Variants in ASB5 observed in about 807,000 individuals in gnomAD.
ASB5 encodes the protein ankyrin repeat and SOCS box containing 5.
In ASB5, 45 loss-of-function variants were observed where a neutral mutation model predicts 42.1. The observed-to-expected ratio is 1.07, with a 90% CI of 0.84 to 1.37. The LOEUF (loss-of-function observed/expected upper bound fraction) is 1.37. Ranked by LOEUF, ASB5 falls within the 40% of genes most tolerant of loss-of-function variation. The pLI is 0.00. For missense variants in ASB5, 402 were observed against 399.8 expected (o/e 1.01, Z -0.05); for synonymous variants, 147 against 150.6 (o/e 0.98, Z 0.18).
At chr4:176,271,848 A>G (rs1186213693), upstream of ASB5, among the ~76,000 whole-genome samples, 1 of 152,166 alleles carries the variant, frequency 6.6e-6, no homozygotes, top group Non-Finnish European at 1.5e-5. Context: ...TCTAACTAAA[A>G]TACATGCTCA....
chr4:176,260,018 G>A lies in ASB5; in HGVS notation c.196+8895C>T, dbSNP rs547736735. Among the ~76,000 whole-genome samples, 107 of 152,222 alleles carry A rather than the reference G, an allele frequency of 7.0e-4. 1 individual carries two copies. Among genetic ancestry groups the A allele is most frequent in the African/African-American group, 2.6e-3 (106 of 41,538 alleles). The stretch of plus-strand genomic sequence containing the variant: ...TAATCCCTAGGAAAGAATTTCGAAA[G>A]GATATTCAGCTATGACTCATATTAT... On this transcript the variant is annotated intron_variant, in intron 1 of 6. Coordinates refer to ENST00000296525, the MANE Select transcript of ASB5 (RefSeq NM_080874.4).
chr4:176,269,697 CTT>C (rs1157850300), upstream of ASB5, among the ~76,000 whole-genome samples: 1 of 152,164 alleles, frequency 6.6e-6, no homozygotes, highest in East Asian at 1.9e-4. Flanking sequence ...AGATTAATAA[CTT>C]AACACGGTTC....
At chr4:176,223,511 G>T (rs1753282563) in intron 2 of ASB5, among the ~76,000 whole-genome samples, 1 of 151,952 alleles carries the variant, frequency 6.6e-6, no homozygotes, top group South Asian at 2.1e-4. Flanking sequence ...TGATATCTTT[G>T]GTATTTCATT....
intron 2 of ASB5, among the ~76,000 whole-genome samples, chr4:176,223,794 C>CGTG (rs1753292019): frequency 1.3e-5 from 2 of 152,192 alleles, no homozygotes; most frequent in Non-Finnish European, 2.9e-5. Flanking sequence ...GCTCTGGGGA[C>CGTG]AGCCTCTCAT....
chr4:176,217,717 A>T (rs1753012090), intron 5 of ASB5, among the ~76,000 whole-genome samples: 1 of 152,144 alleles, frequency 6.6e-6, no homozygotes. Flanking sequence ...AGCCTGGCAC[A>T]TGCTGGTCAT....
intron 5 of ASB5, among the ~76,000 whole-genome samples, chr4:176,219,602 A>T (rs1753139689): frequency 8.4e-6 from 1 of 118,374 alleles, no homozygotes; most frequent in Non-Finnish European, 1.7e-5. Flanking sequence ...ATATATATAT[A>T]TATATATATA....
chr4:176,231,677 A>C (rs1176701592), intron 1 of ASB5, among the ~76,000 whole-genome samples: 1 of 110,006 alleles, frequency 9.1e-6, no homozygotes, highest in Non-Finnish European at 1.8e-5. Flanking sequence ...AAAAAAAAAA[A>C]ATGTAAATTA....
At chr4:176,233,212 G>A (rs1753595591) in intron 1 of ASB5, among the ~76,000 whole-genome samples, 2 of 152,128 alleles carry the variant, frequency 1.3e-5, no homozygotes, top group South Asian at 4.1e-4. Flanking sequence ...TAAACAGAAG[G>A]AAGGATAACT....
At chr4:176,253,754 G>A (rs1295316725) in intron 1 of ASB5, among the ~76,000 whole-genome samples, 1 of 152,170 alleles carries the variant, frequency 6.6e-6, no homozygotes, top group African/African-American at 2.4e-5. Context: ...CACTGAAGCT[G>A]AGAGCCCAAT....
At chr4:176,247,349 T>C (rs969531595) in intron 1 of ASB5, among the ~76,000 whole-genome samples, 2 of 152,152 alleles carry the variant, frequency 1.3e-5, no homozygotes, top group African/African-American at 4.8e-5. Context: ...ACTTCTAAAA[T>C]TGATACATAG....
At chr4:176,232,251 T>C (rs550410129) in intron 1 of ASB5, among the ~76,000 whole-genome samples, 14 of 151,900 alleles carry the variant, frequency 9.2e-5, no homozygotes, top group African/African-American at 3.4e-4. Context: ...GCCACCCAAG[T>C]AGCTAGGATT....
chr4:176,220,129 G>T (rs1753161796), intron 5 of ASB5, among the ~76,000 whole-genome samples: 1 of 152,194 alleles, frequency 6.6e-6, no homozygotes. Context: ...GGGCCCACAG[G>T]CCGCAGGTTG....
intron 5 of ASB5, among the ~76,000 whole-genome samples, chr4:176,217,867 C>G (rs371227408): frequency 1.3e-5 from 2 of 151,924 alleles, no homozygotes; most frequent in African/African-American, 4.8e-5. Context: ...TTTTCCGATA[C>G]TATCTTTAAA....
In ASB5 at chr4:176,238,999, A is replaced by G. The variant is rs181679228; in HGVS notation, c.197-13658T>C. Among the ~76,000 whole-genome samples, 4 of 152,332 alleles carry G rather than the reference A, an allele frequency of 2.6e-5. No individual in the cohort carries two copies. The East Asian group carries it at 5.8e-4, about 22-fold the overall frequency. The stretch of plus-strand genomic sequence containing the variant: ...GATAAGACCAGATTCTATGACTAAC[A>G]CACAAAAGGTAAGAGAGTGCGTGAG... On this transcript the variant is annotated intron_variant, in intron 1 of 6. Transcript: ENST00000296525.
chr4:176,259,936 T>C (rs1754226015), intron 1 of ASB5, among the ~76,000 whole-genome samples: 1 of 152,200 alleles, frequency 6.6e-6, no homozygotes, highest in African/African-American at 2.4e-5. Context: ...GATGCCTTCC[T>C]GACATTTCAC....
chr4:176,240,037 G>C (rs1331849895), intron 1 of ASB5, among the ~76,000 whole-genome samples: 1 of 152,144 alleles, frequency 6.6e-6, no homozygotes, highest in African/African-American at 2.4e-5. Context: ...CACAGTGAGT[G>C]AACGCGTTAG....
chr4:176,269,772 G>T (rs1334571757), upstream of ASB5, among the ~76,000 whole-genome samples: 1 of 152,174 alleles, frequency 6.6e-6, no homozygotes, highest in Non-Finnish European at 1.5e-5. Flanking sequence ...AGATTTTGAA[G>T]TGACAAAGAC....
At chr4:176,241,811 T>C (rs6553939) in intron 1 of ASB5, 376,363 of 408,100 alleles carry the variant, frequency 0.92, 173,988 homozygotes, top group Non-Finnish European at 0.94. Flanking sequence ...AAACTACAGA[T>C]GTCAATCTTG....
intron 1 of ASB5, among the ~76,000 whole-genome samples, chr4:176,228,923 A>T (rs1315913368): frequency 6.6e-6 from 1 of 152,188 alleles, no homozygotes; most frequent in Non-Finnish European, 1.5e-5. Flanking sequence ...ATTCTGCAGA[A>T]CTTCACAACA....
Sources: allele counts gnomAD v4.1 joint callset (sites outside exome capture counted in the v4.1 genomes callset), GRCh38; gene constraint gnomAD v4.1.1; transcripts MANE v1.5; gene names NCBI Gene and HGNC (gene_info 2026-07-23, HGNC 2026-07-21).